FXYD7: variants seen among roughly 807,000 people sequenced by gnomAD.
The protein encoded by FXYD7 is FXYD domain-containing ion transport regulator 7.
A neutral mutation model predicts 15.3 loss-of-function variants in FXYD7; 7 were observed. The observed-to-expected ratio is 0.46, with a 90% CI of 0.26 to 0.86. The LOEUF is 0.86. Ranked by LOEUF, FXYD7 falls within the 40% of genes least tolerant of loss-of-function variation. The pLI is 0.16. For missense variants in FXYD7, 78 were observed against 100.6 expected (o/e 0.78, Z 0.96); for synonymous variants, 39 against 39.3 (o/e 0.99, Z 0.03).
Position 35,154,032 on chromosome 19 carries a change from C to A in FXYD7, c.*116C>A. ...GGAGCGCTCCCCGGAATGAGCCGCC[C>A]CACCCACCCCAAGGCTGGAGCCGCT... is the stretch of plus-strand genomic sequence containing the variant. On this transcript the variant is annotated 3_prime_UTR_variant, in exon 6 of 6. Coordinates refer to ENST00000270310, the MANE Select transcript of FXYD7 (RefSeq NM_022006.2). 1.1e-6 allele frequency: 1 copy of A among 905,558 alleles called. No individual in the cohort carries two copies. Among genetic ancestry groups the A allele is most frequent in the South Asian group, 1.4e-5 (1 of 69,162 alleles). 56.1% of individuals were successfully genotyped at this position (905,558 alleles called of 1,614,324 possible). A position where few individuals can be genotyped will look rare whatever the true frequency, so the allele number is the denominator to read the frequency against.
At chr19:35,147,529 C>T (rs1313272267) in intron 1 of FXYD7, among the ~76,000 whole-genome samples, 1 of 152,184 alleles carries the variant, frequency 6.6e-6, no homozygotes, top group Non-Finnish European at 1.5e-5. Context: ...AATCCAGAGA[C>T]ACACACACAT....
chr19:35,152,134 C>CAAAAAAAAAAAAAAAA (rs71167517), intron 5 of FXYD7, among the ~76,000 whole-genome samples: 1,203 of 45,080 alleles, frequency 0.027, 135 homozygotes, highest in East Asian at 0.04. Context: ...GTGAGACTGT[C>CAAAAAAAAAAAAAAAA]AAAAAAAAAA....
Position 35,143,327 on chromosome 19 carries a change from GC to G in FXYD7, c.-4del. On this transcript the variant is annotated 5_prime_UTR_variant, in exon 1 of 6. Coordinates refer to ENST00000270310, the MANE Select transcript of FXYD7 (RefSeq NM_022006.2). The surrounding 1 kb of genome is among the most constrained non-coding windows in gnomAD (Gnocchi z 4.3). ...AAGCATCCAGCAGCCCCCTGCTCCGGCCCAGCATGGCGACCCCGACCCAGAC... is the reference window on the plus strand; with the variant it reads ...AAGCATCCAGCAGCCCCCTGCTCCGGCCAGCATGGCGACCCCGACCCAGAC... 2.6e-6 allele frequency: 4 copies of G among 1,535,030 alleles called. No individual in the cohort carries two copies. The highest frequency in any genetic ancestry group is 3.5e-6 in the Non-Finnish European group (4 of 1,140,822).
In FXYD7 at chr19:35,151,686, A is replaced by T; in HGVS notation, c.220+13A>T. The T allele has an allele frequency of 1.2e-6, 2 of 1,608,320 alleles. No homozygotes were observed. Among genetic ancestry groups the T allele is most frequent in the Non-Finnish European group, 1.7e-6 (2 of 1,174,844 alleles). On this transcript the variant is annotated intron_variant, in intron 5 of 5. Transcript: ENST00000270310. ...CTTCCCTCTTCAGGTGAGGGTGAGA[A>T]ACTGTGTGGTTCTGGGAGAGTTTTA...
At chr19:35,153,569 G>C (rs1466894440) in intron 5 of FXYD7, among the ~76,000 whole-genome samples, 1 of 152,160 alleles carries the variant, frequency 6.6e-6, no homozygotes, top group African/African-American at 2.4e-5. Flanking sequence ...GTGTAGGAAA[G>C]GAGTGAGGGT....
At position 35,152,134 on chromosome 19, in the gene FXYD7, C is replaced by CAA. The variant is rs71167517; in HGVS notation, c.220+481_220+482dup. On this transcript the variant is annotated intron_variant, in intron 5 of 5. Transcript: ENST00000270310. ...AGCCTGGGTGATAGAGTGAGACTGTCAAAAAAAAAAAAAAAAAAAAAGAGG... is the reference window on the plus strand; with the variant it reads ...AGCCTGGGTGATAGAGTGAGACTGTCAAAAAAAAAAAAAAAAAAAAAAAGAGG... Among the ~76,000 whole-genome samples, 240 of 45,090 alleles carry CAA rather than the reference C, an allele frequency of 5.3e-3. 2 individuals are homozygous for CAA. Among genetic ancestry groups the CAA allele is most frequent in the South Asian group, 0.026 (20 of 774 alleles). The allele number at this position is 45,090 out of a possible 152,430, so 29.6% of individuals were successfully genotyped here. A position where few individuals can be genotyped will look rare whatever the true frequency, so the allele number is the denominator to read the frequency against.
At chr19:35,150,196 C>T (rs904404895) in intron 2 of FXYD7, among the ~76,000 whole-genome samples, 3 of 152,160 alleles carry the variant, frequency 2.0e-5, no homozygotes, top group Non-Finnish European at 2.9e-5. Context: ...AGATTACAGG[C>T]TCATTACAGG....
chr19:35,153,868 G>A (rs1471026576), intron 5 of FXYD7, 26 bp from the exon 6 acceptor site: 4 of 1,612,168 alleles, frequency 2.5e-6, no homozygotes. Flanking sequence ...CCTTTCTAGT[G>A]GCTCACGCAC....
intron 1 of FXYD7, among the ~76,000 whole-genome samples, chr19:35,144,114 CAG>C (rs1234928853): frequency 1.3e-5 from 2 of 151,768 alleles, no homozygotes; most frequent in Non-Finnish European, 2.9e-5. Context: ...GAGAGAGAAG[CAG>C]AGAGACGGAG....
chr19:35,149,200 C>T (rs2065301172), intron 2 of FXYD7: 3 of 370,292 alleles, frequency 8.1e-6, no homozygotes, highest in African/African-American at 4.2e-5. Flanking sequence ...CACTGAAGCT[C>T]AAATAAGCTA....
At chr19:35,148,060 AAAGAAAGAAAGAAAGAAAGAAAG>A (rs1568405838) in intron 1 of FXYD7, among the ~76,000 whole-genome samples, 1 of 146,862 alleles carries the variant, frequency 6.8e-6, no homozygotes, top group African/African-American at 2.6e-5. Flanking sequence ...AGAAAGAAAG[AAAGAAAGAAAGAAAGAAAGAAAG>A]AAAGAAAGAA....
intron 5 of FXYD7, among the ~76,000 whole-genome samples, chr19:35,152,713 G>A (rs1431132382): frequency 6.6e-6 from 1 of 151,764 alleles, no homozygotes; most frequent in Non-Finnish European, 1.5e-5. Flanking sequence ...GGAGGAGGAG[G>A]GCGTGGAGGG....
chr19:35,144,405 C>A (rs983488400), intron 1 of FXYD7, among the ~76,000 whole-genome samples: 2 of 152,174 alleles, frequency 1.3e-5, no homozygotes, highest in African/African-American at 4.8e-5. Context: ...ACCGTCGCCC[C>A]CTAATAGCCC....
intron 5 of FXYD7, among the ~76,000 whole-genome samples, chr19:35,152,399 GAGGA>G (rs2065314555): frequency 6.6e-6 from 1 of 151,968 alleles, no homozygotes; most frequent in Non-Finnish European, 1.5e-5. Flanking sequence ...AGGGAGCACT[GAGGA>G]AGACGGGGAG....
In FXYD7 at chr19:35,154,129, GGGCCTCA is replaced by G; in HGVS notation, c.*220_*226del. The G allele has an allele frequency of 1.8e-6, 1 of 544,626 alleles. No individual in the cohort carries two copies. The allele number at this position is 544,626 out of a possible 1,614,324, so 33.7% of individuals were successfully genotyped here. ...AGAGCCCGTCTGCACCCCAGACCCA[GGGCCTCA>G]GGCCTCCAGCTCCTGGGATCCGGGA... On this transcript the variant is annotated 3_prime_UTR_variant, in exon 6 of 6. Transcript: ENST00000270310.
intron 5 of FXYD7, 82 bp from the exon 6 acceptor site, chr19:35,153,812 C>T: frequency 3.7e-6 from 5 of 1,338,020 alleles, no homozygotes; most frequent in East Asian, 2.3e-5. Context: ...TCCATGGTGC[C>T]GGGGAATGGA....
At chr19:35,152,631 G>T (rs2445824) in intron 5 of FXYD7, among the ~76,000 whole-genome samples, 125,852 of 151,286 alleles carry the variant, frequency 0.83, 52,509 homozygotes, top group East Asian at 0.96. Context: ...CAGGAGGGGA[G>T]AGAGTGGAGA....
rs1265816982 is a variant in FXYD7, at chr19:35,151,661, C to A, written c.208C>A (p.Leu70Ile). The change falls in exon 5 of 6, where the codon CTT (leucine) becomes ATT (isoleucine). Residue 70 changes from leucine to isoleucine, a missense_variant. Transcript: ENST00000270310. ...SPTCKSCKSELPSSAPGGGGV is the reference protein window; with the variant it reads ...SPTCKSCKSEIPSSAPGGGGV ...AACCTGCAAATCCTGTAAGTCTGAG[C>A]TTCCCTCTTCAGGTGAGGGTGAGAA... The A allele has an allele frequency of 2.5e-6, 4 of 1,612,460 alleles. No homozygotes were observed. The East Asian group carries it at 6.7e-5, about 27-fold the overall frequency.
chr19:35,153,033 C>CTTTGTTTT (rs1555737607), intron 5 of FXYD7, among the ~76,000 whole-genome samples: 3 of 44,138 alleles, frequency 6.8e-5, no homozygotes, highest in Non-Finnish European at 1.2e-4. Flanking sequence ...TTTCACGTTC[C>CTTTGTTTT]TTTTTTTTTT....
Sources: gnomAD v4.1 joint callset for allele counts (sites outside exome capture counted in the v4.1 genomes callset) on GRCh38, gnomAD v4.1.1 for gene constraint, Gnocchi (gnomAD v3.1) non-coding constraint, MANE v1.5 for transcripts, NCBI Gene and HGNC (gene_info 2026-07-23, HGNC 2026-07-21) for gene names.